The following ERICH6B variants were observed in gnomAD, a reference collection of about 807,000 sequenced individuals.
ERICH6B encodes glutamate-rich protein 6B.
A neutral mutation model predicts 80.0 loss-of-function variants in ERICH6B; 69 were observed. The observed-to-expected ratio is 0.86, with a 90% CI of 0.71 to 1.05. ERICH6B has a LOEUF of 1.05. Ranked by LOEUF, ERICH6B falls within the 50% of genes least tolerant of loss-of-function variation. The pLI, the probability that ERICH6B is intolerant of heterozygous loss-of-function variation, is 0.00. For missense variants in ERICH6B, 754 were observed against 796.1 expected, an observed-to-expected ratio of 0.95 and a Z score of 0.64; for synonymous variants, 283 against 291.9, an observed-to-expected ratio of 0.97 and a Z score of 0.31.
At chr13:45,611,454 A>C (rs1420633967) in intron 1 of ERICH6B, among the ~76,000 whole-genome samples, 1 of 152,262 alleles carries the variant, frequency 6.6e-6, no homozygotes, top group Non-Finnish European at 1.5e-5. Context: ...TTTGTTTTTC[A>C]ACATCAAAGA....
intron 6 of ERICH6B, 96 bp from the exon 7 acceptor site, chr13:45,580,070 CT>C (rs1420380312): frequency 1.1e-5 from 12 of 1,058,862 alleles, no homozygotes; most frequent in Non-Finnish European, 1.7e-5. Flanking sequence ...AAATCATCTC[CT>C]AGATATCTGG....
In ERICH6B at chr13:45,547,409, AG is replaced by A. The variant is rs377142714; in HGVS notation, c.1647-2425del. On this transcript the variant is annotated intron_variant, in intron 13 of 14. Transcript: ENST00000298738. ...AGGTGGTCTGGAGGAAAAGAATAAA[AG>A]CCCCTCACTCAAGCTCTGGCTTAGC... Among the ~76,000 whole-genome samples, 101 of 152,284 alleles carry A rather than the reference AG, an allele frequency of 6.6e-4. 2 individuals are homozygous for A. The East Asian group carries it at 0.016, about 24-fold the overall frequency.
chr13:45,554,944 G>A (rs951604968), intron 11 of ERICH6B, among the ~76,000 whole-genome samples: 6 of 152,206 alleles, frequency 3.9e-5, no homozygotes, highest in Admixed American at 2.0e-4. Context: ...AAAACTAAAT[G>A]TGCCACTCCT....
At chr13:45,546,708 T>G (rs1174425356) in intron 13 of ERICH6B, among the ~76,000 whole-genome samples, 1 of 152,180 alleles carries the variant, frequency 6.6e-6, no homozygotes, top group African/African-American at 2.4e-5. Flanking sequence ...CAAACCGGGT[T>G]TGTCTGCCTT....
intron 14 of ERICH6B, 97 bp downstream of exon 14, chr13:45,544,663 C>G (rs369400264): frequency 9.5e-7 from 1 of 1,047,276 alleles, no homozygotes; most frequent in Non-Finnish European, 1.4e-6. Context: ...ATAGAACAAG[C>G]CTGGAGGCCT....
At chr13:45,581,319 ATGTGTGTACATG>A (rs1033921366) in intron 5 of ERICH6B, among the ~76,000 whole-genome samples, 7 of 152,206 alleles carry the variant, frequency 4.6e-5, no homozygotes, top group African/African-American at 1.7e-4. Context: ...TGCTAAATAC[ATGTGTGTACATG>A]TGTGTGTACA....
intron 1 of ERICH6B, among the ~76,000 whole-genome samples, chr13:45,614,050 G>A (rs1949914569): frequency 6.6e-6 from 1 of 152,144 alleles, no homozygotes; most frequent in Non-Finnish European, 1.5e-5. Context: ...GCTGGTGCAA[G>A]AGAAGCCTTG....
rs536349891 is a variant in ERICH6B, at chr13:45,612,520, G to T, written c.-111+3165C>A. Among the ~76,000 whole-genome samples the T allele has an allele frequency of 3.9e-5, 6 of 152,368 alleles. No homozygotes were observed. The South Asian group carries it at 1.2e-3, about 32-fold the overall frequency. On this transcript the variant is annotated intron_variant, in intron 1 of 14. Coordinates refer to ENST00000298738, the MANE Select transcript of ERICH6B (RefSeq NM_182542.3). ...GCCAGCACTACCTCTGGCCCCTGGGGTATGGGGCCCATGAGAGAATTGGGC... is the reference window on the plus strand; with the variant it reads ...GCCAGCACTACCTCTGGCCCCTGGGTTATGGGGCCCATGAGAGAATTGGGC...
intron 3 of ERICH6B, among the ~76,000 whole-genome samples, chr13:45,593,076 G>A (rs1417645576): frequency 2.0e-5 from 3 of 152,240 alleles, no homozygotes; most frequent in East Asian, 1.9e-4. Flanking sequence ...AGTCAGATGC[G>A]ACCAACCAAT....
At chr13:45,614,658 C>T (rs896416074) in intron 1 of ERICH6B, among the ~76,000 whole-genome samples, 3 of 152,196 alleles carry the variant, frequency 2.0e-5, no homozygotes, top group Non-Finnish European at 2.9e-5. Context: ...CCAGCCGATG[C>T]TTGGAAACCC....
At chr13:45,556,204 A>G (rs1160245371) in intron 11 of ERICH6B, among the ~76,000 whole-genome samples, 2 of 152,022 alleles carry the variant, frequency 1.3e-5, no homozygotes, top group East Asian at 3.9e-4. Flanking sequence ...CCTCAACTGG[A>G]ACATATAAGC....
At chr13:45,554,971 T>G (rs1039903407) in intron 11 of ERICH6B, among the ~76,000 whole-genome samples, 5 of 152,102 alleles carry the variant, frequency 3.3e-5, no homozygotes, top group African/African-American at 7.2e-5. Flanking sequence ...ACCTCATGGG[T>G]GCTTGGTGCA....
intron 8 of ERICH6B, among the ~76,000 whole-genome samples, chr13:45,571,174 G>T (rs76010530): frequency 0.088 from 13,459 of 152,178 alleles, 1,003 homozygotes; most frequent in African/African-American, 0.2. Flanking sequence ...TGGCATAGAT[G>T]TCAGGAGGAA....
chr13:45,610,461 T>C (rs981177377), intron 1 of ERICH6B, among the ~76,000 whole-genome samples: 1 of 152,224 alleles, frequency 6.6e-6, no homozygotes, highest in East Asian at 1.9e-4. Flanking sequence ...CTCCATCTCC[T>C]GCATGGTGTG....
chr13:45,549,776 C>A, intron 13 of ERICH6B, 117 bp downstream of exon 13: 1 of 1,179,216 alleles, frequency 8.5e-7, no homozygotes. Flanking sequence ...CTCATTCTCC[C>A]ATTTCCAACA....
intron 9 of ERICH6B, among the ~76,000 whole-genome samples, chr13:45,567,741 C>T (rs1265185566): frequency 1.3e-5 from 2 of 152,230 alleles, no homozygotes; most frequent in Admixed American, 6.5e-5. Flanking sequence ...CAGTTTGTGA[C>T]CTGGGGCCTT....
chr13:45,595,495 G>T (rs1412638990), intron 3 of ERICH6B, among the ~76,000 whole-genome samples: 1 of 151,928 alleles, frequency 6.6e-6, no homozygotes, highest in African/African-American at 2.4e-5. Flanking sequence ...AGAGGTGTGT[G>T]TGTATGTGTA....
At chr13:45,585,723 T>C (rs1382022290) in intron 5 of ERICH6B, among the ~76,000 whole-genome samples, 4 of 152,354 alleles carry the variant, frequency 2.6e-5, no homozygotes, top group African/African-American at 9.6e-5. Flanking sequence ...ACTCAGTATA[T>C]GTTGGCTTTA....
At chr13:45,614,055 G>A (rs1024383954) in intron 1 of ERICH6B, among the ~76,000 whole-genome samples, 1 of 152,160 alleles carries the variant, frequency 6.6e-6, no homozygotes, top group Admixed American at 6.5e-5. Context: ...TGCAAGAGAA[G>A]CCTTGAGCTT....
Sources: gnomAD v4.1 joint callset for allele counts (sites outside exome capture counted in the v4.1 genomes callset) on GRCh38, gnomAD v4.1.1 for gene constraint, MANE v1.5 for transcripts, NCBI Gene and HGNC (gene_info 2026-07-23, HGNC 2026-07-21) for gene names.